Variants in NCAM2 observed in about 807,000 individuals in gnomAD.
NCAM2 encodes the protein neural cell adhesion molecule 2.
In NCAM2, 30 loss-of-function variants were observed where a neutral mutation model predicts 98.1. The ratio of observed to expected loss-of-function variants is 0.31; its 90% CI spans 0.23 to 0.41. The LOEUF (loss-of-function observed/expected upper bound fraction) is 0.41, where lower values mean the gene tolerates loss of function less well. Among genes scored for constraint, NCAM2 ranks in the 10% least tolerant of loss-of-function variants. NCAM2 has a pLI of 1.00. For missense variants in NCAM2, 867 were observed against 1,005.8 expected (o/e 0.86, Z 1.87); for synonymous variants, 368 against 342.4 (o/e 1.07, Z -0.83).
intron 5 of NCAM2, among the ~76,000 whole-genome samples, chr21:21,317,422 A>T (rs2074253335): frequency 6.6e-6 from 1 of 152,324 alleles, no homozygotes; most frequent in African/African-American, 2.4e-5. Context: ...TGCAAAAATG[A>T]GTACTACCAA....
At position 21,430,486 on chromosome 21, in the gene NCAM2, T is replaced by C. The variant is rs534239395; in HGVS notation, c.1481-1622T>C. ...CAGAAATTTAATTGACTCACAGTTC[T>C]GCATTCCTGGGGAGGCCTCAGGAAA... On this transcript the variant is annotated intron_variant, in intron 11 of 17. Coordinates refer to ENST00000400546, the MANE Select transcript of NCAM2 (RefSeq NM_004540.5). Among the ~76,000 whole-genome samples the C allele has an allele frequency of 4.7e-5, 7 of 150,076 alleles. No individual in the cohort carries two copies. In the South Asian group the frequency reaches 1.5e-3, roughly 32 times the overall value.
At position 21,324,435 on chromosome 21, in the gene NCAM2, A is replaced by G; in HGVS notation, c.672A>G (p.Arg224=). The G allele has an allele frequency of 6.2e-7, 1 of 1,613,810 alleles. No individual in the cohort carries two copies. Among genetic ancestry groups the G allele is most frequent in the Non-Finnish European group, 8.5e-7 (1 of 1,179,822 alleles). ...AATCTTTTAATGCCACAGCAGAGAG[A>G]GGAGAAGAAATGACATTTTCCTGCA... ...PQKSFNATAE[R]GEEMTFSCRA... The change falls in exon 6 of 18, where the codon AGA becomes AGG. Residue 224 remains arginine (R), a synonymous_variant. Transcript: ENST00000400546.
chr21:21,411,054 G>GTA (rs766878394), intron 10 of NCAM2, among the ~76,000 whole-genome samples: 1,511 of 29,224 alleles, frequency 0.052, 208 homozygotes, highest in East Asian at 0.45. Context: ...ATATGTGTGT[G>GTA]TATATATATA....
intron 9 of NCAM2, among the ~76,000 whole-genome samples, chr21:21,398,842 T>TATA (rs1363071461): frequency 6.6e-6 from 1 of 152,198 alleles, no homozygotes; most frequent in Non-Finnish European, 1.5e-5. Context: ...GACACCCTAT[T>TATA]ATAACCAAAT....
chr21:21,424,297 CA>C (rs1188313007), intron 11 of NCAM2, among the ~76,000 whole-genome samples: 1 of 152,108 alleles, frequency 6.6e-6, no homozygotes, highest in Non-Finnish European at 1.5e-5. Context: ...TTCATTCACT[CA>C]AAAAATATAA....
intron 1 of NCAM2, among the ~76,000 whole-genome samples, chr21:21,063,618 TCCTTA>T (rs1342992080): frequency 1.3e-5 from 2 of 152,096 alleles, no homozygotes; most frequent in East Asian, 3.9e-4. Flanking sequence ...GTTGTTAAAA[TCCTTA>T]CCTTAGTATG....
intron 1 of NCAM2, among the ~76,000 whole-genome samples, chr21:21,163,333 G>C (rs983367598): frequency 1.3e-5 from 2 of 152,140 alleles, no homozygotes; most frequent in Non-Finnish European, 2.9e-5. Flanking sequence ...AGGCTCTAGA[G>C]GGATGTAGGA....
chr21:21,143,467 T>G (rs1407533815), intron 1 of NCAM2, among the ~76,000 whole-genome samples: 1 of 152,106 alleles, frequency 6.6e-6, no homozygotes, highest in African/African-American at 2.4e-5. Context: ...TCTCATTGCG[T>G]CTGGATTTTG....
In NCAM2 at chr21:21,006,975, G is replaced by A. The variant is rs553157404; in HGVS notation, c.55+8357G>A. Among the ~76,000 whole-genome samples the A allele has an allele frequency of 8.5e-4, 129 of 152,218 alleles. 1 individual carries two copies. The highest frequency in any genetic ancestry group is 2.9e-3 in the African/African-American group (120 of 41,542). On this transcript the variant is annotated intron_variant, in intron 1 of 17. Transcript: ENST00000400546. ...TGTAATTAAGACTTTTATGGTTTTTGCTGGTGCTTGTTTACAGATTTCTGC... is the reference window on the plus strand; with the variant it reads ...TGTAATTAAGACTTTTATGGTTTTTACTGGTGCTTGTTTACAGATTTCTGC...
chr21:21,423,002 C>A (rs1274527636), intron 11 of NCAM2, among the ~76,000 whole-genome samples: 1 of 152,088 alleles, frequency 6.6e-6, no homozygotes, highest in African/African-American at 2.4e-5. Flanking sequence ...CTTAAAAAAT[C>A]ATTACCCTAC....
intron 1 of NCAM2, among the ~76,000 whole-genome samples, chr21:21,046,530 C>G (rs2065010124): frequency 6.6e-6 from 1 of 152,090 alleles, no homozygotes; most frequent in Non-Finnish European, 1.5e-5. Flanking sequence ...TCAAATATGT[C>G]CTTTTCAACC....
chr21:21,229,324 A>C (rs1229010421), intron 1 of NCAM2, among the ~76,000 whole-genome samples: 1 of 151,572 alleles, frequency 6.6e-6, no homozygotes, highest in African/African-American at 2.4e-5. Context: ...TTCTCATTTC[A>C]TAGTGTTGAC....
chr21:21,165,008 A>G (rs2067905538), intron 1 of NCAM2, among the ~76,000 whole-genome samples: 2 of 152,158 alleles, frequency 1.3e-5, no homozygotes, highest in Non-Finnish European at 2.9e-5. Context: ...AATTCTCATA[A>G]CAGCCTTGTT....
intron 1 of NCAM2, among the ~76,000 whole-genome samples, chr21:21,176,921 A>G (rs2068310166): frequency 6.6e-6 from 1 of 151,956 alleles, no homozygotes; most frequent in African/African-American, 2.4e-5. Context: ...GGAAGTTGAA[A>G]TCTCCTAACA....
At chr21:21,064,710 A>G (rs1456711895) in intron 1 of NCAM2, among the ~76,000 whole-genome samples, 1 of 152,190 alleles carries the variant, frequency 6.6e-6, no homozygotes, top group Non-Finnish European at 1.5e-5. Flanking sequence ...GCTACAGAAA[A>G]CTGAGAAACA....
At chr21:21,042,347 G>A (rs1487819503) in intron 1 of NCAM2, among the ~76,000 whole-genome samples, 1 of 152,064 alleles carries the variant, frequency 6.6e-6, no homozygotes, top group Admixed American at 6.6e-5. Context: ...ACCACACCCA[G>A]CTAATTTTGT....
In NCAM2 at chr21:21,286,384, T is replaced by C; in HGVS notation, c.453T>C (p.His151=). Residue 151 remains histidine, a synonymous_variant, in exon 4 of 18, where the codon CAT becomes CAC. Transcript: ENST00000400546. The part of the protein sequence containing the change: ...SPAPAVSWLY[H]NEEVTTISDN... ...CACCTGCTGTCAGCTGGTTGTATCA[T>C]AATGAGGAAGTCACCACTATTTCCG... 6.2e-7 allele frequency: 1 copy of C among 1,612,388 alleles called. No individual in the cohort carries two copies. The highest frequency in any genetic ancestry group is 8.5e-7 in the Non-Finnish European group (1 of 1,178,902).
intron 16 of NCAM2, among the ~76,000 whole-genome samples, chr21:21,523,667 T>A (rs1190594085): frequency 6.6e-6 from 1 of 152,050 alleles, no homozygotes; most frequent in Non-Finnish European, 1.5e-5. Flanking sequence ...TAACTTATCA[T>A]AAAGAACTCT....
chr21:21,133,961 G>A (rs1484114029), intron 1 of NCAM2, among the ~76,000 whole-genome samples: 1 of 151,972 alleles, frequency 6.6e-6, no homozygotes, highest in Non-Finnish European at 1.5e-5. Context: ...TCTTAATGGT[G>A]CAGTATATTC....
Sources: allele counts gnomAD v4.1 joint callset (sites outside exome capture counted in the v4.1 genomes callset), GRCh38; gene constraint gnomAD v4.1.1; transcripts MANE v1.5; gene names NCBI Gene and HGNC (gene_info 2026-07-23, HGNC 2026-07-21).